Variants in SRGAP1 observed in about 807,000 individuals in gnomAD.
SRGAP1 encodes SLIT-ROBO Rho GTPase-activating protein 1.
In SRGAP1, 43 loss-of-function variants were observed where a neutral mutation model predicts 121.9. That is an observed-to-expected ratio of 0.35 (90% CI 0.28 to 0.46). The LOEUF is 0.46. SRGAP1 is among the 20% of genes least tolerant of loss of function. The pLI is 1.00. For missense variants in SRGAP1, 1,102 were observed against 1,350.9 expected (o/e 0.82, Z 2.89); for synonymous variants, 447 against 485.4 (o/e 0.92, Z 1.04).
chr12:64,086,850 C>T, intron 10 of SRGAP1, 149 bp from the exon 11 acceptor site: 1 of 575,270 alleles, frequency 1.7e-6, no homozygotes, highest in Non-Finnish European at 3.1e-6. Flanking sequence ...TGTCTATCTT[C>T]ATATGCTATC....
chr12:64,080,018 G>A (rs1025113055), intron 9 of SRGAP1, among the ~76,000 whole-genome samples: 2 of 152,072 alleles, frequency 1.3e-5, no homozygotes, highest in Non-Finnish European at 2.9e-5. Flanking sequence ...CGAGGCAGGC[G>A]GATCACCTGA....
At chr12:63,887,562 T>G (rs1319934217) in intron 1 of SRGAP1, 1 of 152,174 alleles carries the variant, frequency 6.6e-6, no homozygotes, top group African/African-American at 2.4e-5. Flanking sequence ...CAGGGGCCAT[T>G]TGCTCCCTGA....
Position 64,055,813 on chromosome 12 carries a change from T to C in SRGAP1, c.802-7104T>C, listed in dbSNP as rs184763379. The stretch of plus-strand genomic sequence containing the variant: ...GTCTCCAGTGTTCACTTACCCTTTT[T>C]GGCTGGACTTCTGAATGTTGGGAGT... On this transcript the variant is annotated intron_variant, in intron 6 of 21. Coordinates refer to ENST00000355086, the MANE Select transcript of SRGAP1 (RefSeq NM_020762.4). Among the ~76,000 whole-genome samples the C allele has an allele frequency of 3.3e-5, 5 of 152,276 alleles. No individual in the cohort carries two copies. The East Asian group carries it at 9.7e-4, about 29-fold the overall frequency.
chr12:63,870,501 G>A (rs1899811667), intron 1 of SRGAP1, among the ~76,000 whole-genome samples: 1 of 145,884 alleles, frequency 6.9e-6, no homozygotes, highest in African/African-American at 2.5e-5. Context: ...GGCTTTGCTA[G>A]TTTCCAAATG....
chr12:63,923,581 G>A (rs914784661), intron 1 of SRGAP1, among the ~76,000 whole-genome samples: 19 of 152,116 alleles, frequency 1.2e-4, no homozygotes, highest in Non-Finnish European at 4.4e-5. Flanking sequence ...AAAATTATCT[G>A]CTTCCGAATG....
chr12:64,015,457 C>G (rs976522608), intron 3 of SRGAP1, among the ~76,000 whole-genome samples: 4 of 152,120 alleles, frequency 2.6e-5, no homozygotes, highest in African/African-American at 9.7e-5. Flanking sequence ...TAGAAGCTGT[C>G]AGAGCTTAGT....
In SRGAP1 at chr12:63,844,990, G is replaced by A. The variant is rs1898850557; in HGVS notation, c.67+107G>A. 1.7e-6 allele frequency: 2 copies of A among 1,159,184 alleles called. No individual in the cohort carries two copies. The highest frequency in any genetic ancestry group is 3.0e-5 in the African/African-American group (2 of 65,904). The allele number at this position is 1,159,184 out of a possible 1,614,324, so 71.8% of individuals were successfully genotyped here. A position where few individuals can be genotyped will look rare whatever the true frequency, so the allele number is the denominator to read the frequency against. On this transcript the variant is annotated intron_variant, in intron 1 of 21. Coordinates refer to ENST00000355086, the MANE Select transcript of SRGAP1 (RefSeq NM_020762.4). This position sits in a 1 kb window ranked among gnomAD's most constrained non-coding sequence, Gnocchi z 4.3. ...TCTGCGTGGGAGGAAGGTGGTGAGGGGACAGCTCGAGCCCTGTCTGAGCCA... is the reference window on the plus strand; with the variant it reads ...TCTGCGTGGGAGGAAGGTGGTGAGGAGACAGCTCGAGCCCTGTCTGAGCCA...
intron 1 of SRGAP1, among the ~76,000 whole-genome samples, chr12:63,914,222 T>C (rs2030680502): frequency 1.3e-5 from 2 of 152,190 alleles, no homozygotes; most frequent in Non-Finnish European, 2.9e-5. Context: ...GGTTCTGTTT[T>C]TCCCACAAAA....
intron 14 of SRGAP1, among the ~76,000 whole-genome samples, chr12:64,095,801 C>T (rs1003705139): frequency 1.3e-5 from 2 of 152,034 alleles, no homozygotes; most frequent in Admixed American, 1.3e-4. Context: ...GATGTTTTAA[C>T]CCAGGCATAC....
intron 1 of SRGAP1, among the ~76,000 whole-genome samples, chr12:63,908,326 T>C (rs1353162349): frequency 5.3e-5 from 8 of 152,222 alleles, no homozygotes. Flanking sequence ...AAATGTTAAG[T>C]TGTCTAATCT....
At chr12:64,044,674 CTTTTTTTTTTTTT>C (rs558248193) in intron 6 of SRGAP1, among the ~76,000 whole-genome samples, 10 of 72,118 alleles carry the variant, frequency 1.4e-4, no homozygotes, top group Non-Finnish European at 2.6e-4. Context: ...TGATGTGCCT[CTTTTTTTTTTTTT>C]TTTTTTTTTT....
In SRGAP1 at chr12:63,956,184, C is replaced by T. The variant is rs150389975; in HGVS notation, c.68-27763C>T. ...CATGCCTGACTAATTTTGTACTTTT[C>T]TGTGAAAAGTACAAAATTACTGGCT... is the stretch of plus-strand genomic sequence containing the variant. On this transcript the variant is annotated intron_variant, in intron 1 of 21. Coordinates refer to ENST00000355086, the MANE Select transcript of SRGAP1 (RefSeq NM_020762.4). Among the ~76,000 whole-genome samples, 1,178 of 152,156 alleles carry T rather than the reference C, an allele frequency of 7.7e-3. 14 individuals are homozygous for T. Among genetic ancestry groups the T allele is most frequent in the Non-Finnish European group, 0.011 (735 of 68,014 alleles).
chr12:63,890,445 A>T (rs964121101), intron 1 of SRGAP1, among the ~76,000 whole-genome samples: 1 of 152,210 alleles, frequency 6.6e-6, no homozygotes, highest in Admixed American at 6.5e-5. Context: ...CAGTGGAGGA[A>T]AAAAACCACA....
Position 64,087,083 on chromosome 12 carries a change from G to A in SRGAP1, c.1436+57G>A, listed in dbSNP as rs894802155. On this transcript the variant is annotated intron_variant, in intron 11 of 21. Coordinates refer to ENST00000355086, the MANE Select transcript of SRGAP1 (RefSeq NM_020762.4). ...TATTTTACTTTCTCTTTAACAAGAA[G>A]CAACCATTTCAATGCTGAAAGAATT... The A allele has an allele frequency of 5.2e-6, 7 of 1,340,782 alleles. No homozygotes were observed. The Admixed American group carries it at 1.2e-4, about 22-fold the overall frequency. 83.1% of individuals were successfully genotyped at this position (1,340,782 alleles called of 1,614,324 possible).
intron 6 of SRGAP1, among the ~76,000 whole-genome samples, chr12:64,052,899 A>G (rs560007033): frequency 6.6e-6 from 1 of 152,314 alleles, no homozygotes; most frequent in South Asian, 2.1e-4. Context: ...GGACATGTAC[A>G]ACGTTTTCAC....
chr12:64,087,158 G>A, intron 11 of SRGAP1, 132 bp downstream of exon 11: 1 of 626,498 alleles, frequency 1.6e-6, no homozygotes. Context: ...ACAAAGCATA[G>A]CAACATGAAA....
intron 1 of SRGAP1, among the ~76,000 whole-genome samples, chr12:63,931,622 A>G (rs2031479189): frequency 6.6e-6 from 1 of 152,212 alleles, no homozygotes; most frequent in East Asian, 1.9e-4. Flanking sequence ...AGATATCATT[A>G]TGCCTACCTT....
chr12:64,066,988 T>A (rs963990741), intron 8 of SRGAP1, among the ~76,000 whole-genome samples: 9 of 151,892 alleles, frequency 5.9e-5, no homozygotes, highest in Non-Finnish European at 1.2e-4. Context: ...AGCTCACAGA[T>A]CTGTTTTGTT....
At chr12:63,971,325 C>G (rs2032941381) in intron 1 of SRGAP1, among the ~76,000 whole-genome samples, 1 of 152,204 alleles carries the variant, frequency 6.6e-6, no homozygotes, top group Non-Finnish European at 1.5e-5. Context: ...CAGGAGGTAA[C>G]CTGGGAGGCC....
Sources: allele counts gnomAD v4.1 joint callset (sites outside exome capture counted in the v4.1 genomes callset), GRCh38; gene constraint gnomAD v4.1.1; non-coding constraint Gnocchi (gnomAD v3.1); transcripts MANE v1.5; gene names NCBI Gene and HGNC (gene_info 2026-07-23, HGNC 2026-07-21).